The following CDCP2 variants were observed in gnomAD, a reference collection of about 807,000 sequenced individuals.
CDCP2 encodes CUB domain containing protein 2.
In CDCP2, 31 loss-of-function variants were observed where a neutral mutation model predicts 31.0. That is an observed-to-expected ratio of 1.00 (90% confidence interval 0.75 to 1.35). CDCP2 has a LOEUF of 1.35. Among genes scored for constraint, CDCP2 ranks in the 40% most tolerant of loss-of-function variants. The probability of loss-of-function intolerance (pLI) is 0.00; values close to 1 mark genes in which losing one functional copy is unlikely to be tolerated. For synonymous variants in CDCP2, 206 were observed against 207.9 expected (o/e 0.99, Z 0.08); for missense variants, 443 against 482.6 (o/e 0.92, Z 0.77).
chr1:54,134,957 A>T (rs1346259867), intron 5 of CDCP2, among the ~76,000 whole-genome samples: 1 of 152,124 alleles, frequency 6.6e-6, no homozygotes, highest in East Asian at 1.9e-4. Flanking sequence ...GCTGGTCACA[A>T]ATCAGTTTTA....
At chr1:54,149,859 G>A (rs1659547177) in intron 1 of CDCP2, among the ~76,000 whole-genome samples, 1 of 152,164 alleles carries the variant, frequency 6.6e-6, no homozygotes, top group Admixed American at 6.5e-5. Flanking sequence ...CCTCACAACA[G>A]CCCCATGAAC....
chr1:54,139,481 G>A, intron 4 of CDCP2: 1 of 1,539,194 alleles, frequency 6.5e-7, no homozygotes, highest in Non-Finnish European at 8.9e-7. Flanking sequence ...GGGGCCCAGG[G>A]GGAAGGAACC....
intron 5 of CDCP2, among the ~76,000 whole-genome samples, chr1:54,134,218 T>C (rs1031801887): frequency 2.0e-5 from 3 of 152,248 alleles, no homozygotes; most frequent in African/African-American, 7.2e-5. Flanking sequence ...CTTAGGAGCT[T>C]TGTCCCCGGT....
exon 3 of CDCP2, chr1:54,141,284 C>T: frequency 6.2e-7 from 1 of 1,614,236 alleles, no homozygotes. Flanking sequence ...TCATTGCCCT[C>T]CACCTGGAAG....
chr1:54,149,695 TATTG>T (rs1659543982), intron 1 of CDCP2, among the ~76,000 whole-genome samples: 1 of 152,190 alleles, frequency 6.6e-6, no homozygotes, highest in Admixed American at 6.5e-5. Context: ...TTATTTTACT[TATTG>T]ATTTGGTTCA....
chr1:54,138,511 T>C (rs1557705620), intron 4 of CDCP2: 1 of 152,262 alleles, frequency 6.6e-6, no homozygotes, highest in East Asian at 1.9e-4. Flanking sequence ...GAAAGATCTT[T>C]TGAATGCTGA....
chr1:54,133,180 A>T (rs1288534906), exon 6 of CDCP2: 1 of 399,010 alleles, frequency 2.5e-6, no homozygotes, highest in Non-Finnish European at 4.4e-6. Flanking sequence ...AGGTGGACAG[A>T]AGCCTCCTTG....
intron 4 of CDCP2, chr1:54,139,496 G>C (rs776845542): frequency 1.3e-6 from 2 of 1,587,134 alleles, no homozygotes; most frequent in Non-Finnish European, 8.6e-7. Flanking sequence ...GGAACCAGAT[G>C]GGGAGGGGTG....
At chr1:54,133,624 C>G (rs183911841) in intron 5 of CDCP2, among the ~76,000 whole-genome samples, 1 of 152,160 alleles carries the variant, frequency 6.6e-6, no homozygotes, top group Non-Finnish European at 1.5e-5. Flanking sequence ...TGGCCGGGTG[C>G]GGTGGCTCAC....
chr1:54,141,556 C>T, intron 2 of CDCP2, 123 bp from the exon 3 acceptor site: 2 of 782,070 alleles, frequency 2.6e-6, no homozygotes, highest in South Asian at 3.8e-5. Context: ...TCATTACCAT[C>T]CAGCAAGCAC....
chr1:54,141,746 C>A, intron 2 of CDCP2: 1 of 252,434 alleles, frequency 4.0e-6, no homozygotes, highest in Non-Finnish European at 7.6e-6. Context: ...TTCACCCAGG[C>A]AGACCTTGAG....
At chr1:54,133,027 G>A (rs1659192083) in exon 6 of CDCP2, 1 of 399,080 alleles carries the variant, frequency 2.5e-6, no homozygotes, top group Non-Finnish European at 4.4e-6. Flanking sequence ...AGGATGCAAA[G>A]GCCCAGGAAG....
At chr1:54,132,815 C>G, downstream of CDCP2, 1 of 397,340 alleles carries the variant, frequency 2.5e-6, no homozygotes, top group East Asian at 3.6e-5. Flanking sequence ...TGTGAGATAG[C>G]AGGGCAGAAT....
At chr1:54,150,612 C>A (rs1659567188) in intron 1 of CDCP2, among the ~76,000 whole-genome samples, 1 of 150,916 alleles carries the variant, frequency 6.6e-6, no homozygotes, top group African/African-American at 2.5e-5. Flanking sequence ...AAAAAAAATT[C>A]TTATTATTTA....
intron 2 of CDCP2, 92 bp from the exon 3 acceptor site, chr1:54,141,525 C>G: frequency 1.8e-6 from 2 of 1,115,714 alleles, no homozygotes; most frequent in South Asian, 3.2e-5. Context: ...ATGCTGCCCC[C>G]ACAGGTATCT....
chr1:54,134,406 G>T (rs1044731008), intron 5 of CDCP2, among the ~76,000 whole-genome samples: 1 of 152,250 alleles, frequency 6.6e-6, no homozygotes, highest in African/African-American at 2.4e-5. Flanking sequence ...GGAGTCGAGT[G>T]GCCCTGAGAC....
At chr1:54,150,152 G>C (rs1659555923) in intron 1 of CDCP2, among the ~76,000 whole-genome samples, 1 of 152,252 alleles carries the variant, frequency 6.6e-6, no homozygotes, top group Admixed American at 6.5e-5. Context: ...GGGTGAGCAT[G>C]TGCTCCAGGC....
exon 6 of CDCP2, chr1:54,133,253 G>T (rs1364543603): frequency 5.0e-6 from 2 of 399,138 alleles, no homozygotes; most frequent in Non-Finnish European, 8.8e-6. Flanking sequence ...CTGAGAAGTC[G>T]ATGTACAGCA....
intron 1 of CDCP2, among the ~76,000 whole-genome samples, chr1:54,150,870 C>G (rs1404490551): frequency 6.6e-6 from 1 of 152,250 alleles, no homozygotes; most frequent in Non-Finnish European, 1.5e-5. Context: ...AGAGAAGACA[C>G]ATTCGCTAAA....
Sources: gnomAD v4.1 joint callset for allele counts (sites outside exome capture counted in the v4.1 genomes callset) on GRCh38, gnomAD v4.1.1 for gene constraint, MANE v1.5 for transcripts, NCBI Gene and HGNC (gene_info 2026-07-23, HGNC 2026-07-21) for gene names.